The following TRIM44 variants were observed in gnomAD, a reference collection of about 807,000 sequenced individuals.
TRIM44 encodes tripartite motif containing 44.
Under a neutral mutation model 37.4 loss-of-function variants are expected in TRIM44, and 13 were observed. The ratio of observed to expected loss-of-function variants is 0.35; its 90% confidence interval spans 0.23 to 0.55. The LOEUF is 0.55. Ranked by LOEUF, TRIM44 falls within the 20% of genes least tolerant of loss-of-function variation. The probability of loss-of-function intolerance (pLI) is 0.89; values close to 1 mark genes in which losing one functional copy is unlikely to be tolerated. For missense variants in TRIM44, 426 were observed against 437.2 expected (o/e 0.97, Z 0.23); for synonymous variants, 175 against 157.2 (o/e 1.11, Z -0.85).
intron 2 of TRIM44, among the ~76,000 whole-genome samples, chr11:35,702,020 G>A (rs1851794457): frequency 6.6e-6 from 1 of 152,142 alleles, no homozygotes; most frequent in Non-Finnish European, 1.5e-5. Context: ...TTTGTTTCAT[G>A]GATCCATAGC....
chr11:35,765,359 G>A (rs1164546369), intron 4 of TRIM44, among the ~76,000 whole-genome samples: 2 of 152,182 alleles, frequency 1.3e-5, no homozygotes, highest in Non-Finnish European at 2.9e-5. Context: ...AACCCACATA[G>A]AGAAATGTGT....
At chr11:35,749,731 A>G (rs909156818) in intron 4 of TRIM44, among the ~76,000 whole-genome samples, 1 of 152,248 alleles carries the variant, frequency 6.6e-6, no homozygotes, top group African/African-American at 2.4e-5. Context: ...ATTTAAAACT[A>G]TGAGGTTACC....
At chr11:35,765,622 T>C (rs1409171343) in intron 4 of TRIM44, among the ~76,000 whole-genome samples, 2 of 152,200 alleles carry the variant, frequency 1.3e-5, no homozygotes, top group African/African-American at 4.8e-5. Context: ...TGCTTTATTT[T>C]GCAAGGAGAG....
chr11:35,682,315 G>A (rs1449001181), intron 1 of TRIM44, among the ~76,000 whole-genome samples: 6 of 152,092 alleles, frequency 3.9e-5, no homozygotes, highest in Admixed American at 3.3e-4. Flanking sequence ...ACCAAGAGGG[G>A]TATTCTCAGC....
At chr11:35,763,904 G>A (rs926300143) in intron 4 of TRIM44, among the ~76,000 whole-genome samples, 4 of 152,120 alleles carry the variant, frequency 2.6e-5, no homozygotes, top group Admixed American at 1.3e-4. Context: ...TGTGTACAAC[G>A]CCTTTCCAGT....
rs114148603 is a variant in TRIM44 at position 35,752,588 on chromosome 11, C to T, written c.1007+17143C>T. Reference sequence around the variant, plus strand: ...GTCAGTCTCTTTTGCTCCTTACTCACAGTCTCTGCCTTAGTGGGGGAAAGA... The same window carrying T: ...GTCAGTCTCTTTTGCTCCTTACTCATAGTCTCTGCCTTAGTGGGGGAAAGA... On this transcript the variant is annotated intron_variant, in intron 4 of 4. Transcript: ENST00000299413. Among the ~76,000 whole-genome samples the T allele has an allele frequency of 2.3e-3, 347 of 151,794 alleles. 2 individuals carry two copies. The highest frequency in any genetic ancestry group is 8.1e-3 in the African/African-American group (334 of 41,064).
At chr11:35,687,200 A>G (rs1851592229) in intron 2 of TRIM44, among the ~76,000 whole-genome samples, 1 of 152,212 alleles carries the variant, frequency 6.6e-6, no homozygotes, top group Non-Finnish European at 1.5e-5. Context: ...AGTTTTCTAA[A>G]TTGAAACACA....
At chr11:35,799,647 A>G (rs936239800) in intron 4 of TRIM44, among the ~76,000 whole-genome samples, 1 of 152,100 alleles carries the variant, frequency 6.6e-6, no homozygotes, top group Admixed American at 6.5e-5. Flanking sequence ...ACCTAGTTCT[A>G]TTATTTACAA....
intron 3 of TRIM44, 116 bp from the exon 4 acceptor site, chr11:35,735,310 C>A (rs965981845): frequency 2.1e-6 from 2 of 974,886 alleles, no homozygotes; most frequent in Non-Finnish European, 3.3e-6. Flanking sequence ...GTCTCTGTTA[C>A]AATAAATGTA....
At chr11:35,742,988 C>A (rs910174594) in intron 4 of TRIM44, among the ~76,000 whole-genome samples, 5 of 151,530 alleles carry the variant, frequency 3.3e-5, no homozygotes, top group African/African-American at 1.2e-4. Flanking sequence ...TTAACTATTG[C>A]AGTATAATGA....
At chr11:35,725,756 A>G (rs777636864) in intron 2 of TRIM44, among the ~76,000 whole-genome samples, 168 bp from the exon 3 acceptor site, 7 of 152,216 alleles carry the variant, frequency 4.6e-5, no homozygotes, top group Non-Finnish European at 8.8e-5. Context: ...GATTAGCAGG[A>G]AATTCATCAA....
chr11:35,816,311 C>T lies in TRIM44; in HGVS notation c.*9926C>T, dbSNP rs979743250. ...AAGAGAAAATAAATAAGGTGTGGTGCGTATCCATCCTCTTCCCAACTCAGC... is the reference window on the plus strand; with the variant it reads ...AAGAGAAAATAAATAAGGTGTGGTGTGTATCCATCCTCTTCCCAACTCAGC... On this transcript the variant is annotated 3_prime_UTR_variant, in exon 5 of 5. Transcript: ENST00000299413. 6.6e-6 allele frequency: 1 copy of T among 152,136 alleles called. No individual in the cohort carries two copies. The highest frequency in any genetic ancestry group is 1.5e-5 in the Non-Finnish European group (1 of 68,026). The allele number at this position is 152,136 out of a possible 1,614,324, so 9.4% of individuals were successfully genotyped here.
intron 2 of TRIM44, among the ~76,000 whole-genome samples, chr11:35,705,185 A>C (rs1163500653): frequency 1.3e-5 from 2 of 150,934 alleles, no homozygotes; most frequent in Non-Finnish European, 3.0e-5. Flanking sequence ...ATAATGGTAA[A>C]GGGATCAATT....
chr11:35,681,269 C>T (rs1204916820), intron 1 of TRIM44, among the ~76,000 whole-genome samples: 1 of 152,146 alleles, frequency 6.6e-6, no homozygotes, highest in Non-Finnish European at 1.5e-5. Flanking sequence ...GAATACACTG[C>T]TTTTCAGTGA....
chr11:35,715,740 T>C (rs1852032791), intron 2 of TRIM44, among the ~76,000 whole-genome samples: 1 of 152,144 alleles, frequency 6.6e-6, no homozygotes, highest in Non-Finnish European at 1.5e-5. Flanking sequence ...CTCACGGTTC[T>C]GCAGGCTGTA....
intron 4 of TRIM44, among the ~76,000 whole-genome samples, chr11:35,767,452 C>T (rs1257186545): frequency 1.3e-5 from 2 of 152,052 alleles, no homozygotes; most frequent in African/African-American, 2.4e-5. Context: ...CTACTCTGTT[C>T]CAGGATGGAG....
At chr11:35,735,501 G>T in intron 4 of TRIM44, 56 bp downstream of exon 4, 1 of 1,570,112 alleles carries the variant, frequency 6.4e-7, no homozygotes, top group Non-Finnish European at 8.8e-7. Flanking sequence ...TGACATTTGT[G>T]GCCTTTTAGT....
intron 4 of TRIM44, among the ~76,000 whole-genome samples, chr11:35,760,275 C>G (rs187884121): frequency 6.6e-6 from 1 of 152,184 alleles, no homozygotes; most frequent in Non-Finnish European, 1.5e-5. Flanking sequence ...GCTCCGTGGG[C>G]GTAGGACCCT....
intron 2 of TRIM44, among the ~76,000 whole-genome samples, chr11:35,697,049 G>C (rs1461775224): frequency 6.6e-6 from 1 of 151,940 alleles, no homozygotes; most frequent in Non-Finnish European, 1.5e-5. Flanking sequence ...TGACCATAAG[G>C]TGAGATTTTC....
Sources: gnomAD v4.1 joint callset for allele counts (sites outside exome capture counted in the v4.1 genomes callset) on GRCh38, gnomAD v4.1.1 for gene constraint, MANE v1.5 for transcripts, NCBI Gene and HGNC (gene_info 2026-07-23, HGNC 2026-07-21) for gene names.